NBEA: variants seen among roughly 807,000 people sequenced by gnomAD.
The protein encoded by NBEA is lysosomal-trafficking regulator 2.
Under a neutral mutation model 343.4 loss-of-function variants are expected in NBEA, and 44 were observed. The ratio of observed to expected loss-of-function variants is 0.13; its 90% CI spans 0.10 to 0.16. NBEA has a LOEUF of 0.16. Ranked by LOEUF, NBEA falls within the 10% of genes least tolerant of loss-of-function variation. The pLI is 1.00. For missense variants in NBEA, 2,555 were observed against 3,631.3 expected, an observed-to-expected ratio of 0.70 and a Z score of 7.62; for synonymous variants, 1,175 against 1,238.7, an observed-to-expected ratio of 0.95 and a Z score of 1.08.
intron 34 of NBEA, among the ~76,000 whole-genome samples, chr13:35,233,050 A>G (rs1013463244): frequency 6.6e-6 from 1 of 152,150 alleles, no homozygotes; most frequent in Non-Finnish European, 1.5e-5. Flanking sequence ...AAAAATCTAG[A>G]GAAATACTTA....
At chr13:35,429,800 C>CGTGTGTGTGTGTGTGTGTGT (rs60362511) in intron 38 of NBEA, among the ~76,000 whole-genome samples, 10 of 140,200 alleles carry the variant, frequency 7.1e-5, no homozygotes, top group South Asian at 2.5e-4. Flanking sequence ...GAGTCCCCAA[C>CGTGTGTGTGTGTGTGTGTGT]GTGTGTGTGT....
chr13:35,580,798 T>G (rs1478945965), intron 45 of NBEA, among the ~76,000 whole-genome samples: 1 of 152,228 alleles, frequency 6.6e-6, no homozygotes, highest in Non-Finnish European at 1.5e-5. Flanking sequence ...AAGTTACTAA[T>G]GGAGGCATAT....
intron 41 of NBEA, among the ~76,000 whole-genome samples, chr13:35,500,164 C>T (rs1566228623): frequency 6.6e-6 from 1 of 152,102 alleles, no homozygotes; most frequent in African/African-American, 2.4e-5. Context: ...TTGTGATGTC[C>T]TGCAGCCCAA....
chr13:35,448,106 G>C (rs577490591), intron 39 of NBEA, among the ~76,000 whole-genome samples: 1 of 152,228 alleles, frequency 6.6e-6, no homozygotes, highest in Admixed American at 6.5e-5. Context: ...CTTCAACAAG[G>C]ATGATAAGCT....
chr13:35,546,536 A>T (rs1000879879), intron 41 of NBEA, among the ~76,000 whole-genome samples: 4 of 151,174 alleles, frequency 2.6e-5, no homozygotes, highest in Non-Finnish European at 5.9e-5. Flanking sequence ...TGAGAGGAGT[A>T]GATCTAAAAT....
intron 49 of NBEA, among the ~76,000 whole-genome samples, chr13:35,644,486 A>G (rs549992845): frequency 6.6e-6 from 1 of 152,334 alleles, no homozygotes; most frequent in South Asian, 2.1e-4. Flanking sequence ...AATTCCTTCA[A>G]TAAACATTTA....
chr13:35,262,838 A>T (rs546895993), intron 34 of NBEA, among the ~76,000 whole-genome samples: 1 of 152,344 alleles, frequency 6.6e-6, no homozygotes, highest in African/African-American at 2.4e-5. Context: ...CATTAAAGGC[A>T]GAAATAATTA....
In NBEA at chr13:35,618,820, T is replaced by C. The variant is rs114303555; in HGVS notation, c.7450-9261T>C. Among the ~76,000 whole-genome samples the C allele has an allele frequency of 7.0e-3, 1,065 of 152,228 alleles. 11 individuals are homozygous for C. The highest frequency in any genetic ancestry group is 0.025 in the African/African-American group (1,020 of 41,548). ...GGTTCATCCATCATAATCTACCCTT[T>C]TAAAAATTTGTTTTAGAAAAAGGCC... On this transcript the variant is annotated intron_variant, in intron 48 of 58. Coordinates refer to ENST00000379939, the MANE Select transcript of NBEA (RefSeq NM_001385012.1).
At chr13:35,364,839 A>T (rs1412061630) in intron 38 of NBEA, among the ~76,000 whole-genome samples, 2 of 151,794 alleles carry the variant, frequency 1.3e-5, no homozygotes, top group African/African-American at 4.8e-5. Flanking sequence ...AGGAGCCTTA[A>T]AAGAATCCCA....
chr13:34,959,141 G>A (rs573404731), intron 1 of NBEA, among the ~76,000 whole-genome samples: 1 of 152,158 alleles, frequency 6.6e-6, no homozygotes, highest in East Asian at 1.9e-4. Context: ...GAAGTGCTAT[G>A]TTTATTTGTC....
chr13:34,964,122 T>TG (rs1470106267), intron 1 of NBEA, among the ~76,000 whole-genome samples: 2 of 152,058 alleles, frequency 1.3e-5, no homozygotes, highest in African/African-American at 2.4e-5. Flanking sequence ...TCTTAGGAAT[T>TG]TAACTTGCAA....
At chr13:35,163,898 T>G (rs1019754688) in intron 23 of NBEA, among the ~76,000 whole-genome samples, 11 of 152,128 alleles carry the variant, frequency 7.2e-5, no homozygotes, top group African/African-American at 1.4e-4. Context: ...AATAGAACTT[T>G]CAGTTAAATT....
chr13:35,565,871 C>T (rs950968064), intron 44 of NBEA, among the ~76,000 whole-genome samples: 2 of 152,006 alleles, frequency 1.3e-5, no homozygotes, highest in African/African-American at 2.4e-5. Flanking sequence ...TAAAGTGAAA[C>T]AACATAAGAC....
chr13:35,141,213 A>G (rs2068071205), intron 17 of NBEA, among the ~76,000 whole-genome samples: 1 of 152,158 alleles, frequency 6.6e-6, no homozygotes, highest in Non-Finnish European at 1.5e-5. Flanking sequence ...AAATTGAAGA[A>G]ATGAAATACT....
intron 55 of NBEA, among the ~76,000 whole-genome samples, chr13:35,664,780 G>C: frequency 6.6e-6 from 1 of 152,210 alleles, no homozygotes; most frequent in East Asian, 1.9e-4. Context: ...GCCTTAGCAG[G>C]CATTGTACCT....
rs138586010 is a variant in NBEA, at chr13:35,184,166, T to C, written c.4927+95T>C. 4.1e-5 allele frequency: 35 copies of C among 851,270 alleles called. No homozygotes were observed. In the African/African-American group the frequency reaches 4.6e-4, roughly 11 times the overall value. The allele number at this position is 851,270 out of a possible 1,614,324, so 52.7% of individuals were successfully genotyped here. A position where few individuals can be genotyped will look rare whatever the true frequency, so the allele number is the denominator to read the frequency against. On this transcript the variant is annotated intron_variant, in intron 30 of 58. Coordinates refer to ENST00000379939, the MANE Select transcript of NBEA (RefSeq NM_001385012.1). ...CATGATATACTTGTTTATAAATAAG[T>C]ATATACCTCAGGTTTCATGGAGATA...
chr13:35,278,393 A>G (rs1045459423), intron 34 of NBEA, among the ~76,000 whole-genome samples: 9 of 152,116 alleles, frequency 5.9e-5, no homozygotes, highest in Admixed American at 5.9e-4. Flanking sequence ...GTAATTGACC[A>G]TTTTATGTTC....
chr13:35,008,328 A>G (rs1181498199), intron 1 of NBEA, among the ~76,000 whole-genome samples: 2 of 152,208 alleles, frequency 1.3e-5, no homozygotes, highest in Non-Finnish European at 2.9e-5. Context: ...CGGATGCTCT[A>G]ATCCCTTAAG....
chr13:34,959,199 G>A (rs945892178), intron 1 of NBEA, among the ~76,000 whole-genome samples: 1 of 152,024 alleles, frequency 6.6e-6, no homozygotes, highest in African/African-American at 2.4e-5. Context: ...TTACCAAAAT[G>A]TTACTTTTCA....
Sources: gnomAD v4.1 joint callset for allele counts (sites outside exome capture counted in the v4.1 genomes callset) on GRCh38, gnomAD v4.1.1 for gene constraint, MANE v1.5 for transcripts, NCBI Gene and HGNC (gene_info 2026-07-23, HGNC 2026-07-21) for gene names.